The following NLGN1 variants were observed in gnomAD, a reference collection of about 807,000 sequenced individuals.
NLGN1 encodes the protein neuroligin-1.
A neutral mutation model predicts 65.5 loss-of-function variants in NLGN1; 12 were observed. That is an observed-to-expected ratio of 0.18 (90% confidence interval 0.12 to 0.30). NLGN1 has a LOEUF of 0.30. Ranked by LOEUF, NLGN1 falls within the 10% of genes least tolerant of loss-of-function variation. The pLI is 1.00. For synonymous variants in NLGN1, 350 were observed against 359.5 expected, an observed-to-expected ratio of 0.97 and a Z score of 0.30; for missense variants, 750 against 1,007.1, an observed-to-expected ratio of 0.74 and a Z score of 3.46.
At chr3:173,683,073 G>C (rs1011499762) in intron 3 of NLGN1, among the ~76,000 whole-genome samples, 24 of 151,946 alleles carry the variant, frequency 1.6e-4, no homozygotes, top group African/African-American at 5.6e-4. Context: ...GCATTTTTGT[G>C]GTTAGTTTTA....
At chr3:173,727,032 GAA>G (rs1771924580) in intron 3 of NLGN1, among the ~76,000 whole-genome samples, 3 of 151,756 alleles carry the variant, frequency 2.0e-5, no homozygotes, top group Non-Finnish European at 2.9e-5. Flanking sequence ...AAAGGAGAGA[GAA>G]AGAAAGAAAA....
chr3:174,160,220 T>C (rs956118960), intron 4 of NLGN1, among the ~76,000 whole-genome samples: 1 of 151,736 alleles, frequency 6.6e-6, no homozygotes, highest in Admixed American at 6.6e-5. Flanking sequence ...AAGAAATTCA[T>C]CCAGATTTTC....
intron 4 of NLGN1, among the ~76,000 whole-genome samples, chr3:173,940,557 A>G (rs1745900936): frequency 6.6e-6 from 1 of 152,192 alleles, no homozygotes; most frequent in Non-Finnish European, 1.5e-5. Flanking sequence ...GTCATTCGGA[A>G]AAACTGTCCT....
At chr3:174,214,021 C>A (rs1466237966) in intron 4 of NLGN1, among the ~76,000 whole-genome samples, 1 of 152,070 alleles carries the variant, frequency 6.6e-6, no homozygotes, top group Non-Finnish European at 1.5e-5. Context: ...AAAAATAAAT[C>A]ACTTAGGACA....
At chr3:173,600,050 G>A (rs1750180464) in intron 2 of NLGN1, among the ~76,000 whole-genome samples, 1 of 151,982 alleles carries the variant, frequency 6.6e-6, no homozygotes, top group Non-Finnish European at 1.5e-5. Context: ...GTGGCCTCAG[G>A]CACTTAATGC....
intron 4 of NLGN1, among the ~76,000 whole-genome samples, chr3:174,107,724 G>T (rs180708149): frequency 6.6e-6 from 1 of 152,036 alleles, no homozygotes; most frequent in Admixed American, 6.6e-5. Context: ...TTGTTTTTCA[G>T]CTGAGGCTGT....
chr3:174,182,779 T>C (rs909744160), intron 4 of NLGN1, among the ~76,000 whole-genome samples: 4 of 152,240 alleles, frequency 2.6e-5, no homozygotes, highest in African/African-American at 9.6e-5. Flanking sequence ...CCATTCCCTG[T>C]TCCTACTCAG....
At chr3:174,024,060 C>A (rs908361475) in intron 4 of NLGN1, among the ~76,000 whole-genome samples, 4 of 147,068 alleles carry the variant, frequency 2.7e-5, no homozygotes, top group Non-Finnish European at 3.0e-5. Flanking sequence ...AGCTAGTTTT[C>A]ATTGCAAGAA....
In NLGN1 at chr3:173,700,772, C is replaced by T. The variant is rs374979258; in HGVS notation, c.493+95681C>T. 4.6e-5 allele frequency among the ~76,000 whole-genome samples: 7 copies of T among 152,198 alleles called. No individual in the cohort carries two copies. In the South Asian group the frequency reaches 8.3e-4, roughly 18 times the overall value. On this transcript the variant is annotated intron_variant, in intron 3 of 6. Transcript: ENST00000457714. ...AGACAATTATGTAGAAGCCAGAGTA[C>T]AATGCTAATGTGTATGTTTGAGAGA...
At chr3:174,011,799 A>G (rs1241735523) in intron 4 of NLGN1, among the ~76,000 whole-genome samples, 1 of 152,158 alleles carries the variant, frequency 6.6e-6, no homozygotes, top group African/African-American at 2.4e-5. Flanking sequence ...TGTTCCAGAC[A>G]CTGGTCTAGG....
At chr3:173,622,997 T>C (rs1437888096) in intron 3 of NLGN1, among the ~76,000 whole-genome samples, 1 of 152,138 alleles carries the variant, frequency 6.6e-6, no homozygotes, top group Non-Finnish European at 1.5e-5. Context: ...AGCTTCTAAA[T>C]GCATTCTATA....
downstream of NLGN1, among the ~76,000 whole-genome samples, chr3:174,287,783 C>T (rs1752293236): frequency 6.6e-6 from 1 of 151,372 alleles, no homozygotes; most frequent in Non-Finnish European, 1.5e-5. Flanking sequence ...GTTTCCATGG[C>T]CTATCCTATT....
rs1227744123 is a variant in NLGN1, at chr3:173,880,828, A to G, written c.646+72996A>G. On this transcript the variant is annotated intron_variant, in intron 4 of 6. Transcript: ENST00000457714. Reference sequence around the variant, plus strand: ...CATAACAGACTTTTCTGTAGCATTCAGTGATGTTTGATAGCATTTTACTCA... The same window carrying G: ...CATAACAGACTTTTCTGTAGCATTCGGTGATGTTTGATAGCATTTTACTCA... 5.9e-5 allele frequency among the ~76,000 whole-genome samples: 9 copies of G among 152,146 alleles called. No individual in the cohort carries two copies. In the East Asian group the frequency reaches 1.7e-3, roughly 29 times the overall value.
intron 4 of NLGN1, among the ~76,000 whole-genome samples, chr3:174,251,434 G>A (rs1450299360): frequency 6.6e-6 from 1 of 152,104 alleles, no homozygotes; most frequent in Non-Finnish European, 1.5e-5. Context: ...CCTCCTGGAG[G>A]CAGACTGTCT....
chr3:174,224,744 C>T (rs1280062517), intron 4 of NLGN1, among the ~76,000 whole-genome samples: 4 of 152,150 alleles, frequency 2.6e-5, no homozygotes, highest in African/African-American at 7.2e-5. Flanking sequence ...ACCACATCCA[C>T]CTTTCCTGCT....
intron 2 of NLGN1, among the ~76,000 whole-genome samples, chr3:173,444,453 C>G (rs1038347621): frequency 9.9e-5 from 15 of 152,182 alleles, no homozygotes; most frequent in African/African-American, 3.6e-4. Context: ...CTTCTGCCAT[C>G]TTTTCTCCCA....
intron 3 of NLGN1, among the ~76,000 whole-genome samples, chr3:173,674,144 A>G (rs1560145443): frequency 6.6e-6 from 1 of 152,162 alleles, no homozygotes; most frequent in African/African-American, 2.4e-5. Context: ...CTAGAGATCC[A>G]TATTAAGGAC....
At chr3:174,213,885 T>C (rs1399445487) in intron 4 of NLGN1, among the ~76,000 whole-genome samples, 1 of 152,190 alleles carries the variant, frequency 6.6e-6, no homozygotes, top group East Asian at 1.9e-4. Flanking sequence ...GATTTAAGAT[T>C]AGGGATAAAA....
At chr3:173,753,534 C>G (rs929517553) in intron 3 of NLGN1, among the ~76,000 whole-genome samples, 43 of 152,104 alleles carry the variant, frequency 2.8e-4, no homozygotes, top group African/African-American at 1.0e-3. Flanking sequence ...CTAAATCCAC[C>G]CTGGATGAAA....
Sources: gnomAD v4.1 joint callset for allele counts (sites outside exome capture counted in the v4.1 genomes callset) on GRCh38, gnomAD v4.1.1 for gene constraint, MANE v1.5 for transcripts, NCBI Gene and HGNC (gene_info 2026-07-23, HGNC 2026-07-21) for gene names.